PACRG: variants seen among roughly 807,000 people sequenced by gnomAD.
PACRG encodes parkin coregulated.
In PACRG, 29 loss-of-function variants were observed where a neutral mutation model predicts 29.7. That is an observed-to-expected ratio of 0.98 (90% confidence interval 0.73 to 1.33). The LOEUF is 1.33. PACRG is among the 40% of genes most tolerant of loss of function. The pLI, the probability that PACRG is intolerant of heterozygous loss-of-function variation, is 0.00. For synonymous variants in PACRG, 116 were observed against 118.7 expected (o/e 0.98, Z 0.15); for missense variants, 279 against 316.2 (o/e 0.88, Z 0.89).
At chr6:162,732,152 C>T (rs568365171) in intron 1 of PACRG, among the ~76,000 whole-genome samples, 10 of 152,276 alleles carry the variant, frequency 6.6e-5, no homozygotes, top group Admixed American at 5.9e-4. Context: ...CTACATTTTC[C>T]CTTTTTGCAA....
intron 4 of PACRG, among the ~76,000 whole-genome samples, chr6:163,172,169 G>A (rs935840328): frequency 4.6e-5 from 7 of 152,128 alleles, no homozygotes; most frequent in Admixed American, 1.3e-4. Flanking sequence ...AGTGCCTCTT[G>A]GTATATACTT....
At chr6:163,159,014 C>G (rs979102719) in intron 4 of PACRG, among the ~76,000 whole-genome samples, 1 of 152,130 alleles carries the variant, frequency 6.6e-6, no homozygotes. Flanking sequence ...TAAGAATAAG[C>G]TGCTTTGAAT....
intron 2 of PACRG, among the ~76,000 whole-genome samples, chr6:162,865,984 A>C (rs1033787123): frequency 8.5e-5 from 13 of 152,204 alleles, no homozygotes; most frequent in Admixed American, 3.3e-4. Context: ...CATGTTTTCT[A>C]ATGCATGAAA....
At chr6:162,748,784 T>A (rs532237495) in intron 1 of PACRG, among the ~76,000 whole-genome samples, 3 of 152,158 alleles carry the variant, frequency 2.0e-5, no homozygotes, top group Non-Finnish European at 4.4e-5. Flanking sequence ...TAAAACCATT[T>A]CAAATCTCTA....
rs115380772 is a variant in PACRG at position 163,091,270 on chromosome 6, G to A, written c.613+1862G>A. 6.7e-3 allele frequency among the ~76,000 whole-genome samples: 1,027 copies of A among 152,306 alleles called. 10 individuals carry two copies. The highest frequency in any genetic ancestry group is 0.024 in the African/African-American group (982 of 41,566). ...CGCAAAGACAGATAAATCTTGTTGG[G>A]AGCTCTAGACTACTAAACAAAACAA... On this transcript the variant is annotated intron_variant, in intron 4 of 4. Coordinates refer to ENST00000366888, the MANE Select transcript of PACRG (RefSeq NM_001080379.2).
intron 4 of PACRG, among the ~76,000 whole-genome samples, chr6:163,204,839 C>A (rs1309203336): frequency 2.0e-5 from 3 of 152,180 alleles, no homozygotes; most frequent in Non-Finnish European, 2.9e-5. Flanking sequence ...CTGCTCAAGA[C>A]CTCCTTGATC....
At chr6:162,879,649 C>A (rs995007405) in intron 2 of PACRG, among the ~76,000 whole-genome samples, 1 of 152,220 alleles carries the variant, frequency 6.6e-6, no homozygotes, top group Non-Finnish European at 1.5e-5. Flanking sequence ...TTCATTAATT[C>A]ATTCCTTCAA....
At chr6:163,037,711 C>T (rs1808334981) in intron 2 of PACRG, among the ~76,000 whole-genome samples, 1 of 152,208 alleles carries the variant, frequency 6.6e-6, no homozygotes, top group Non-Finnish European at 1.5e-5. Flanking sequence ...TCTCCGGTTA[C>T]CTACAGCACA....
intron 2 of PACRG, among the ~76,000 whole-genome samples, chr6:162,831,526 C>T (rs1788770452): frequency 6.6e-6 from 1 of 152,170 alleles, no homozygotes; most frequent in South Asian, 2.1e-4. Flanking sequence ...TTCCAGGATA[C>T]ATGGCAGGAT....
chr6:163,313,296 T>G (rs894981820), intron 4 of PACRG, among the ~76,000 whole-genome samples: 35 of 152,232 alleles, frequency 2.3e-4, no homozygotes, highest in Admixed American at 1.5e-3. Context: ...ACTACAGTTG[T>G]GTGACTCACA....
chr6:163,233,880 G>C (rs1585356029), intron 4 of PACRG, among the ~76,000 whole-genome samples: 1 of 152,216 alleles, frequency 6.6e-6, no homozygotes, highest in East Asian at 1.9e-4. Context: ...AAGTTGCACT[G>C]TCCTTCATTG....
chr6:163,089,329 A>G lies in PACRG; in HGVS notation c.534A>G (p.Ser178=), dbSNP rs140081074. 18 of 1,614,152 alleles carry G rather than the reference A, an allele frequency of 1.1e-5. No individual in the cohort carries two copies. Among genetic ancestry groups the G allele is most frequent in the South Asian group, 2.2e-5 (2 of 91,084 alleles). ...TLKVLQHLVV[S]AEMVGKALVP... The stretch of plus-strand genomic sequence containing the variant: ...AGGTCCTCCAGCATCTGGTTGTGTC[A>G]GCTGAGATGGTGGGCAAGGCCTTGG... The change falls in exon 4 of 5, where the codon TCA becomes TCG. Residue 178 remains serine (S), a synonymous_variant. Coordinates refer to ENST00000366888, the MANE Select transcript of PACRG (RefSeq NM_001080379.2).
intron 3 of PACRG, among the ~76,000 whole-genome samples, chr6:163,068,325 C>T (rs1437293204): frequency 2.0e-5 from 3 of 152,276 alleles, no homozygotes; most frequent in South Asian, 4.1e-4. Context: ...ACAGGGAGGT[C>T]ATGTCTCTAT....
intron 4 of PACRG, among the ~76,000 whole-genome samples, chr6:163,300,110 G>T (rs1381282975): frequency 2.0e-5 from 3 of 152,332 alleles, no homozygotes; most frequent in African/African-American, 7.2e-5. Flanking sequence ...CAGAAAATCA[G>T]TTGAGCCCTT....
At chr6:163,014,060 G>T (rs1034675871) in intron 2 of PACRG, among the ~76,000 whole-genome samples, 12 of 151,932 alleles carry the variant, frequency 7.9e-5, no homozygotes, top group African/African-American at 2.9e-4. Context: ...TCAATATTTT[G>T]AAAAACATCC....
chr6:163,064,770 C>T (rs1324231083), intron 3 of PACRG, among the ~76,000 whole-genome samples: 9 of 151,878 alleles, frequency 5.9e-5, no homozygotes. Context: ...TCACACCATA[C>T]CCAGTATAAT....
intron 4 of PACRG, among the ~76,000 whole-genome samples, chr6:163,143,708 G>A (rs1446916354): frequency 6.6e-6 from 1 of 152,122 alleles, no homozygotes; most frequent in Non-Finnish European, 1.5e-5. Flanking sequence ...GTCACCATGT[G>A]TGGCTGAGAA....
chr6:163,228,379 CAAAAAAAAAAA>C (rs11362557), intron 4 of PACRG, among the ~76,000 whole-genome samples: 2 of 68,168 alleles, frequency 2.9e-5, no homozygotes, highest in African/African-American at 6.0e-5. Flanking sequence ...TTTAAGCAGG[CAAAAAAAAAAA>C]AAAAAAAAAA....
intron 2 of PACRG, among the ~76,000 whole-genome samples, chr6:163,007,873 G>A (rs777152215): frequency 1.3e-5 from 2 of 152,060 alleles, no homozygotes; most frequent in Non-Finnish European, 2.9e-5. Flanking sequence ...ACTGGACACT[G>A]GGCATTTTGG....
Sources: allele counts gnomAD v4.1 joint callset (sites outside exome capture counted in the v4.1 genomes callset), GRCh38; gene constraint gnomAD v4.1.1; transcripts MANE v1.5; gene names NCBI Gene and HGNC (gene_info 2026-07-23, HGNC 2026-07-21).